The following DIP2C variants were observed in gnomAD, a reference collection of about 807,000 sequenced individuals.
The protein encoded by DIP2C is disco-interacting protein 2 homolog C.
A neutral mutation model predicts 192.4 loss-of-function variants in DIP2C; 33 were observed. The observed-to-expected ratio is 0.17, with a 90% confidence interval of 0.13 to 0.23. The LOEUF is 0.23. DIP2C is among the 10% of genes least tolerant of loss of function. The pLI is 1.00. For missense variants in DIP2C, 1,537 were observed against 2,110.1 expected (o/e 0.73, Z 5.32); for synonymous variants, 979 against 864.1 (o/e 1.13, Z -2.33).
rs1162382663 is a variant in DIP2C at position 651,625 on chromosome 10, C to G, written c.85+37869G>C. Reference sequence around the variant, plus strand: ...TTTTATAAAACAAGAACGCAAGGCTCTGAGGCCAACTTTGAACATTTATTT... The same window carrying G: ...TTTTATAAAACAAGAACGCAAGGCTGTGAGGCCAACTTTGAACATTTATTT... On this transcript the variant is annotated intron_variant, in intron 1 of 36. Transcript: ENST00000280886. This position sits in a 1 kb window ranked among gnomAD's most constrained non-coding sequence, Gnocchi z 4.1. 2 of 356,960 alleles carry G rather than the reference C, an allele frequency of 5.6e-6. No individual in the cohort carries two copies. Among genetic ancestry groups the G allele is most frequent in the African/African-American group, 4.3e-5 (2 of 46,950 alleles). 22.1% of individuals were successfully genotyped at this position (356,960 alleles called of 1,614,324 possible).
chr10:684,538 G>T lies in DIP2C; in HGVS notation c.85+4956C>A, dbSNP rs141694173. On this transcript the variant is annotated intron_variant, in intron 1 of 36. Transcript: ENST00000280886. ...AAAATAATGTGTACAGAGTCCTCAG[G>T]ACCTTCTCTTAGGCTCTGGAAGGTG... 5.6e-3 allele frequency among the ~76,000 whole-genome samples: 858 copies of T among 152,258 alleles called. 6 individuals are homozygous for T. The highest frequency in any genetic ancestry group is 0.019 in the African/African-American group (790 of 41,544).
chr10:574,471 G>A (rs1380985216), intron 1 of DIP2C, among the ~76,000 whole-genome samples: 1 of 152,226 alleles, frequency 6.6e-6, no homozygotes, highest in Non-Finnish European at 1.5e-5. Context: ...CATATGACGT[G>A]TGACAACGGA....
At chr10:347,666 T>A (rs1188843073) in intron 26 of DIP2C, among the ~76,000 whole-genome samples, 1 of 64,666 alleles carries the variant, frequency 1.5e-5, no homozygotes, top group African/African-American at 7.0e-5. Context: ...AACCCCACAC[T>A]CACCCAGACA....
intron 1 of DIP2C, among the ~76,000 whole-genome samples, chr10:510,365 G>C (rs1454691429): frequency 6.6e-6 from 1 of 152,234 alleles, no homozygotes; most frequent in African/African-American, 2.4e-5. Context: ...GGCATTTTAA[G>C]TGACTAATCA....
chr10:501,857 A>G (rs994861248), intron 1 of DIP2C, among the ~76,000 whole-genome samples: 3 of 152,176 alleles, frequency 2.0e-5, no homozygotes, highest in Non-Finnish European at 2.9e-5. Context: ...TGGCACTTCA[A>G]TTCCTGGCCA....
chr10:655,501 TACTC>T (rs1206688408), intron 1 of DIP2C, among the ~76,000 whole-genome samples: 1 of 152,034 alleles, frequency 6.6e-6, no homozygotes, highest in Non-Finnish European at 1.5e-5. Context: ...CGCTACGTAA[TACTC>T]ACTGTCCTCT....
rs185151461 is a variant in DIP2C at position 302,808 on chromosome 10, T to C, written c.3986+7223A>G. Among the ~76,000 whole-genome samples, 256 of 152,312 alleles carry C rather than the reference T, an allele frequency of 1.7e-3. 2 individuals carry two copies. The highest frequency in any genetic ancestry group is 2.1e-3 in the Non-Finnish European group (143 of 68,034). Reference sequence around the variant, plus strand: ...AAAGATAAAAAATGGTGCACCCATATAGGGAACTTACCCATAAACAGAGCT... The same window carrying C: ...AAAGATAAAAAATGGTGCACCCATACAGGGAACTTACCCATAAACAGAGCT... On this transcript the variant is annotated intron_variant, in intron 32 of 36. Coordinates refer to ENST00000280886, the MANE Select transcript of DIP2C (RefSeq NM_014974.3).
chr10:458,168 C>T (rs1229959834), intron 3 of DIP2C, among the ~76,000 whole-genome samples: 2 of 152,230 alleles, frequency 1.3e-5, no homozygotes, highest in African/African-American at 4.8e-5. Flanking sequence ...CTGGGGACAT[C>T]ACAGTGGCTA....
At position 379,193 on chromosome 10, in the gene DIP2C, C is replaced by A. The variant is rs1003057595; in HGVS notation, c.1991+3454G>T. Reference sequence around the variant, plus strand: ...CTGGCTCCCGAGTGCCACGCCCCCCCCCCCCCCCCCCACAACCCCTGACAG... The same window carrying A: ...CTGGCTCCCGAGTGCCACGCCCCCCACCCCCCCCCCCACAACCCCTGACAG... On this transcript the variant is annotated intron_variant, in intron 17 of 36. Transcript: ENST00000280886. Among the ~76,000 whole-genome samples the A allele has an allele frequency of 1.8e-4, 7 of 38,748 alleles. 1 individual carries two copies. In the South Asian group the frequency reaches 4.4e-3, roughly 24 times the overall value. 25.4% of individuals were successfully genotyped at this position (38,748 alleles called of 152,430 possible).
intron 1 of DIP2C, among the ~76,000 whole-genome samples, chr10:548,732 C>G (rs947471106): frequency 6.6e-6 from 1 of 151,700 alleles, no homozygotes; most frequent in Non-Finnish European, 1.5e-5. Flanking sequence ...GGAGCTTTCA[C>G]GCTCGCACAA....
intron 1 of DIP2C, among the ~76,000 whole-genome samples, chr10:500,412 TAATC>T (rs1470634425): frequency 7.2e-5 from 11 of 152,256 alleles, no homozygotes; most frequent in African/African-American, 1.7e-4. Flanking sequence ...CCTTAGTAAT[TAATC>T]AAACAAATAC....
chr10:370,544 C>T (rs191268707), intron 17 of DIP2C, among the ~76,000 whole-genome samples: 9 of 152,350 alleles, frequency 5.9e-5, no homozygotes, highest in Admixed American at 3.9e-4. Context: ...CTCCCAAGAG[C>T]GGCCACAGTT....
At chr10:592,790 G>C (rs1484036283) in intron 1 of DIP2C, among the ~76,000 whole-genome samples, 1 of 152,082 alleles carries the variant, frequency 6.6e-6, no homozygotes, top group Admixed American at 6.6e-5. Flanking sequence ...TGAGAATACA[G>C]CTCCAGTTAA....
intron 33 of DIP2C, among the ~76,000 whole-genome samples, chr10:287,239 G>T (rs1955191392): frequency 6.6e-6 from 1 of 151,966 alleles, no homozygotes; most frequent in Non-Finnish European, 1.5e-5. Context: ...ATGAGACACT[G>T]GCTCTGGCCA....
In DIP2C at chr10:534,668, A is replaced by T. The variant is rs912927215; in HGVS notation, c.86-48138T>A. On this transcript the variant is annotated intron_variant, in intron 1 of 36. Transcript: ENST00000280886. ...TACAGTGTTTGTCTGCTGGATGATT[A>T]TTATTTTTTTTTTTTTTTTGAGACG... Among the ~76,000 whole-genome samples the T allele has an allele frequency of 5.5e-3, 717 of 130,692 alleles. 7 individuals are homozygous for T. The highest frequency in any genetic ancestry group is 0.011 in the East Asian group (53 of 4,892). The allele number at this position is 130,692 out of a possible 152,430, so 85.7% of individuals were successfully genotyped here.
intron 18 of DIP2C, among the ~76,000 whole-genome samples, chr10:366,954 C>T (rs1197752622): frequency 6.6e-6 from 1 of 152,188 alleles, no homozygotes; most frequent in Non-Finnish European, 1.5e-5. Flanking sequence ...CCTACATACC[C>T]CCCAACTGCA....
intron 1 of DIP2C, among the ~76,000 whole-genome samples, chr10:606,165 G>C (rs1852451509): frequency 6.6e-6 from 1 of 152,248 alleles, no homozygotes; most frequent in Non-Finnish European, 1.5e-5. Flanking sequence ...GTTGTCCTCA[G>C]AACGAGTCCT....
intron 1 of DIP2C, among the ~76,000 whole-genome samples, chr10:674,486 G>A (rs1216356771): frequency 6.6e-6 from 1 of 151,996 alleles, no homozygotes; most frequent in Non-Finnish European, 1.5e-5. Flanking sequence ...TCTAAATAGA[G>A]AGGCGGGGTG....
intron 17 of DIP2C, among the ~76,000 whole-genome samples, chr10:382,377 AT>A (rs2132884861): frequency 6.6e-6 from 1 of 152,312 alleles, no homozygotes; most frequent in Admixed American, 6.5e-5. Context: ...AGGACACGGT[AT>A]TACGATTCCA....
Sources: allele counts gnomAD v4.1 joint callset (sites outside exome capture counted in the v4.1 genomes callset), GRCh38; gene constraint gnomAD v4.1.1; non-coding constraint Gnocchi (gnomAD v3.1); transcripts MANE v1.5; gene names NCBI Gene and HGNC (gene_info 2026-07-23, HGNC 2026-07-21).